The following CSMD3 variants were observed in gnomAD, a reference collection of about 807,000 sequenced individuals.
CSMD3 encodes the protein CUB and sushi domain-containing protein 3.
CSMD3 carries 177 observed loss-of-function variants against 435.2 expected under a neutral mutation model. The observed-to-expected ratio is 0.41, with a 90% CI of 0.36 to 0.46. The LOEUF is 0.46. Ranked by LOEUF, CSMD3 falls within the 20% of genes least tolerant of loss-of-function variation. CSMD3 has a pLI of 0.34. For synonymous variants in CSMD3, 1,656 were observed against 1,520.5 expected, an observed-to-expected ratio of 1.09 and a Z score of -2.07; for missense variants, 4,265 against 4,504.6, an observed-to-expected ratio of 0.95 and a Z score of 1.52.
chr8:113,372,842 G>A (rs2094354975), intron 1 of CSMD3, among the ~76,000 whole-genome samples: 1 of 151,514 alleles, frequency 6.6e-6, no homozygotes, highest in Non-Finnish European at 1.5e-5. Context: ...GCTGAGGCAG[G>A]AGAACGGCGT....
At position 113,409,064 on chromosome 8, in the gene CSMD3, C is replaced by T. The variant is rs190652385; in HGVS notation, c.178+27613G>A. On this transcript the variant is annotated intron_variant, in intron 1 of 70. Coordinates refer to ENST00000297405, the MANE Select transcript of CSMD3 (RefSeq NM_198123.2). The stretch of plus-strand genomic sequence containing the variant: ...AACCATTCCCACAATAAGACTTTTT[C>T]TTCTTCTTCTTCTTCTTTTTTTTTT... 8.7e-3 allele frequency among the ~76,000 whole-genome samples: 1,197 copies of T among 137,522 alleles called. 5 individuals are homozygous for T. The highest frequency in any genetic ancestry group is 0.014 in the Non-Finnish European group (887 of 64,444). The allele number at this position is 137,522 out of a possible 152,430, so 90.2% of individuals were successfully genotyped here.
At chr8:112,604,246 G>A (rs955642792) in intron 22 of CSMD3, among the ~76,000 whole-genome samples, 3 of 152,126 alleles carry the variant, frequency 2.0e-5, no homozygotes, top group Admixed American at 6.6e-5. Flanking sequence ...AAGCCAGGTA[G>A]TGTGATGCCT....
chr8:112,372,813 C>A (rs908462934), intron 38 of CSMD3, among the ~76,000 whole-genome samples: 1 of 151,314 alleles, frequency 6.6e-6, no homozygotes, highest in East Asian at 1.9e-4. Flanking sequence ...AGTGCCATTG[C>A]ACTCCAGCCT....
intron 1 of CSMD3, among the ~76,000 whole-genome samples, chr8:113,345,851 G>T (rs546422647): frequency 6.6e-6 from 1 of 152,144 alleles, no homozygotes; most frequent in South Asian, 2.1e-4. Context: ...TGGCTGAACT[G>T]GGATGGGAAT....
intron 27 of CSMD3, among the ~76,000 whole-genome samples, chr8:112,522,317 A>ATC (rs1824379178): frequency 6.6e-6 from 1 of 151,906 alleles, no homozygotes; most frequent in Non-Finnish European, 1.5e-5. Flanking sequence ...AATTATATAT[A>ATC]AGGAATCTCT....
At chr8:112,253,195 C>T (rs1264021030) in intron 63 of CSMD3, among the ~76,000 whole-genome samples, 1 of 151,882 alleles carries the variant, frequency 6.6e-6, no homozygotes, top group Non-Finnish European at 1.5e-5. Context: ...TTTCTTTGTA[C>T]ATATGATGAG....
intron 32 of CSMD3, among the ~76,000 whole-genome samples, chr8:112,436,301 A>G (rs945684160): frequency 3.6e-4 from 55 of 152,064 alleles, no homozygotes; most frequent in Admixed American, 3.5e-3. Flanking sequence ...AAGTTATAAA[A>G]GATATTTTTC....
At chr8:113,032,410 C>T (rs1326008262) in intron 5 of CSMD3, among the ~76,000 whole-genome samples, 2 of 151,466 alleles carry the variant, frequency 1.3e-5, no homozygotes, top group Non-Finnish European at 3.0e-5. Flanking sequence ...GTTACTCTTG[C>T]TATGCTTAGC....
intron 66 of CSMD3, among the ~76,000 whole-genome samples, chr8:112,240,069 AC>A (rs2130036622): frequency 6.6e-6 from 1 of 152,156 alleles, no homozygotes; most frequent in Admixed American, 6.6e-5. Flanking sequence ...CAAAATAACT[AC>A]ATTCTAATAT....
intron 32 of CSMD3, among the ~76,000 whole-genome samples, chr8:112,468,946 C>T (rs996080951): frequency 6.6e-6 from 1 of 151,812 alleles, no homozygotes; most frequent in Admixed American, 6.6e-5. Context: ...AAATGAAATT[C>T]AGTGATGCTC....
chr8:112,509,607 C>A (rs1450051112), intron 28 of CSMD3, among the ~76,000 whole-genome samples: 1 of 152,110 alleles, frequency 6.6e-6, no homozygotes, highest in East Asian at 1.9e-4. Context: ...AATTCACCAT[C>A]CTAGTTTCTG....
At chr8:112,233,576 C>G (rs1813290323) in intron 68 of CSMD3, among the ~76,000 whole-genome samples, 1 of 152,102 alleles carries the variant, frequency 6.6e-6, no homozygotes, top group Admixed American at 6.5e-5. Flanking sequence ...AGATGGTAGG[C>G]TTCTTGAACT....
rs115122145 is a variant in CSMD3 at position 112,388,938 on chromosome 8, T to C, written c.5934+1726A>G. 8.0e-3 allele frequency among the ~76,000 whole-genome samples: 1,211 copies of C among 152,118 alleles called. 23 individuals are homozygous for C. The highest frequency in any genetic ancestry group is 0.027 in the African/African-American group (1,124 of 41,488). On this transcript the variant is annotated intron_variant, in intron 36 of 70. Transcript: ENST00000297405. ...GCAAGAGGAGACCATGTAGTAGATA[T>C]AGAAGTAGGAGCTACAGATGTAGAA...
rs536506279 is a variant in CSMD3, at chr8:112,931,486, A to C, written c.1509-9735T>G. ...TTAAATGTAAAATCCGAAACTATAAAACTACTAAAAAAAAAAAAACTTAGG... is the reference window on the plus strand; with the variant it reads ...TTAAATGTAAAATCCGAAACTATAACACTACTAAAAAAAAAAAAACTTAGG... On this transcript the variant is annotated intron_variant, in intron 9 of 70. Coordinates refer to ENST00000297405, the MANE Select transcript of CSMD3 (RefSeq NM_198123.2). 8.6e-5 allele frequency among the ~76,000 whole-genome samples: 13 copies of C among 151,492 alleles called. No individual in the cohort carries two copies. In the South Asian group the frequency reaches 2.5e-3, roughly 29 times the overall value.
chr8:112,356,070 T>G lies in CSMD3; in HGVS notation c.6137-3536A>C, dbSNP rs558571550. ...AAGGCTGCAGAGAAAAAGGAATGCT[T>G]TTACACTGTTGGTGGGAATGTAAAT... On this transcript the variant is annotated intron_variant, in intron 38 of 70. Coordinates refer to ENST00000297405, the MANE Select transcript of CSMD3 (RefSeq NM_198123.2). Among the ~76,000 whole-genome samples the G allele has an allele frequency of 3.3e-5, 5 of 152,196 alleles. No homozygotes were observed. The South Asian group carries it at 1.0e-3, about 32-fold the overall frequency.
chr8:112,601,558 G>A (rs778922206), intron 22 of CSMD3, among the ~76,000 whole-genome samples: 3 of 152,144 alleles, frequency 2.0e-5, no homozygotes, highest in African/African-American at 7.2e-5. Flanking sequence ...AATCTGCACA[G>A]GTTTAAGGAG....
chr8:112,562,949 T>C (rs866081907), intron 24 of CSMD3, among the ~76,000 whole-genome samples: 3 of 151,810 alleles, frequency 2.0e-5, no homozygotes, highest in Middle Eastern at 3.2e-3. Context: ...TTTAGCAATT[T>C]GGAAGTTTTT....
chr8:112,323,227 G>T (rs999933947), intron 45 of CSMD3, among the ~76,000 whole-genome samples: 1 of 151,956 alleles, frequency 6.6e-6, no homozygotes, highest in Non-Finnish European at 1.5e-5. Context: ...CACTACAAAA[G>T]GCTTAATCAT....
chr8:112,658,102 T>C (rs1410530483), intron 17 of CSMD3, among the ~76,000 whole-genome samples: 1 of 152,232 alleles, frequency 6.6e-6, no homozygotes, highest in Non-Finnish European at 1.5e-5. Flanking sequence ...TTGGATGCTT[T>C]AGTATTAACC....
Sources: allele counts gnomAD v4.1 joint callset (sites outside exome capture counted in the v4.1 genomes callset), GRCh38; gene constraint gnomAD v4.1.1; transcripts MANE v1.5; gene names NCBI Gene and HGNC (gene_info 2026-07-23, HGNC 2026-07-21).